CTNNA3: variants seen among roughly 807,000 people sequenced by gnomAD.
The protein encoded by CTNNA3 is catenin alpha 3.
CTNNA3 carries 76 observed loss-of-function variants against 95.7 expected under a neutral mutation model. The ratio of observed to expected loss-of-function variants is 0.79; its 90% CI spans 0.66 to 0.96. The LOEUF is 0.96. Ranked by LOEUF, CTNNA3 falls within the 40% of genes least tolerant of loss-of-function variation. The probability of loss-of-function intolerance (pLI) is 0.00; values close to 1 mark genes in which losing one functional copy is unlikely to be tolerated. For missense variants in CTNNA3, 1,191 were observed against 1,089.8 expected, an observed-to-expected ratio of 1.09 and a Z score of -1.31; for synonymous variants, 431 against 374.4, an observed-to-expected ratio of 1.15 and a Z score of -1.74.
intron 10 of CTNNA3, among the ~76,000 whole-genome samples, chr10:66,541,075 A>G (rs926589119): frequency 1.3e-5 from 2 of 152,100 alleles, no homozygotes; most frequent in African/African-American, 2.4e-5. Flanking sequence ...TGTTAATAAT[A>G]ATCAACTATT....
chr10:67,031,869 G>C (rs1392847670), intron 7 of CTNNA3, among the ~76,000 whole-genome samples: 2 of 152,072 alleles, frequency 1.3e-5, no homozygotes, highest in Non-Finnish European at 2.9e-5. Context: ...CTTTTATTGG[G>C]CCACAAAACA....
chr10:66,659,148 G>A (rs7071893), intron 9 of CTNNA3, among the ~76,000 whole-genome samples: 149,428 of 151,966 alleles, frequency 0.98, 73,484 homozygotes, highest in East Asian at 1. Flanking sequence ...TGAACTTTAC[G>A]TTTTAGTTAG....
At chr10:66,261,486 C>T (rs76311140) in intron 13 of CTNNA3, among the ~76,000 whole-genome samples, 2,894 of 152,086 alleles carry the variant, frequency 0.019, 103 homozygotes, top group African/African-American at 0.066. Flanking sequence ...CATTGTATTA[C>T]AATTGTATTT....
At chr10:66,458,260 C>T in intron 11 of CTNNA3, among the ~76,000 whole-genome samples, 1 of 152,148 alleles carries the variant, frequency 6.6e-6, no homozygotes, top group Non-Finnish European at 1.5e-5. Context: ...ACATTCATAT[C>T]ATGGCATACT....
intron 7 of CTNNA3, among the ~76,000 whole-genome samples, chr10:67,050,286 A>G (rs1197154242): frequency 6.6e-6 from 1 of 152,224 alleles, no homozygotes; most frequent in Non-Finnish European, 1.5e-5. Flanking sequence ...CAAACAATTT[A>G]CATATTCTAG....
At chr10:67,345,361 T>C (rs1031517606) in intron 5 of CTNNA3, among the ~76,000 whole-genome samples, 1 of 152,156 alleles carries the variant, frequency 6.6e-6, no homozygotes, top group Non-Finnish European at 1.5e-5. Context: ...TGGTTCATAG[T>C]GCAGATTAAG....
chr10:66,948,966 T>G (rs1404577764), intron 7 of CTNNA3, among the ~76,000 whole-genome samples: 3 of 152,200 alleles, frequency 2.0e-5, no homozygotes, highest in African/African-American at 7.2e-5. Context: ...TCAGATAAAT[T>G]ATAATTGTGT....
At chr10:66,120,845 A>T (rs187424875) in intron 13 of CTNNA3, among the ~76,000 whole-genome samples, 5 of 152,298 alleles carry the variant, frequency 3.3e-5, no homozygotes, top group African/African-American at 1.2e-4. Context: ...GTCCAAAGAG[A>T]GGAAAAGAAA....
rs975176138 is a variant in CTNNA3 at position 67,584,417 on chromosome 10, C to G, written c.292+22440G>C. ...GAACGGCAAATGTTGCTGCCTGATCCTTCTTCTGGAAGCTTCATCTCAGAG... is the reference window on the plus strand; with the variant it reads ...GAACGGCAAATGTTGCTGCCTGATCGTTCTTCTGGAAGCTTCATCTCAGAG... On this transcript the variant is annotated intron_variant, in intron 3 of 17. Coordinates refer to ENST00000433211, the MANE Select transcript of CTNNA3 (RefSeq NM_013266.4). Among the ~76,000 whole-genome samples, 3 of 152,154 alleles carry G rather than the reference C, an allele frequency of 2.0e-5. No homozygotes were observed. In the East Asian group the frequency reaches 5.8e-4, roughly 29 times the overall value.
intron 17 of CTNNA3, among the ~76,000 whole-genome samples, chr10:65,942,737 A>C (rs2077448805): frequency 6.6e-6 from 1 of 152,188 alleles, no homozygotes; most frequent in Non-Finnish European, 1.5e-5. Flanking sequence ...TCAGTCATTT[A>C]TTTATACTTA....
At chr10:66,278,969 C>CG in intron 13 of CTNNA3, among the ~76,000 whole-genome samples, 1 of 151,084 alleles carries the variant, frequency 6.6e-6, no homozygotes, top group African/African-American at 2.5e-5. Flanking sequence ...GCTGCCCAGA[C>CG]ATAGTCATTG....
At chr10:67,454,102 T>C (rs1467634963) in intron 5 of CTNNA3, among the ~76,000 whole-genome samples, 1 of 152,164 alleles carries the variant, frequency 6.6e-6, no homozygotes, top group Non-Finnish European at 1.5e-5. Context: ...TTCATTTCTT[T>C]ATCAGGCAGA....
chr10:66,633,747 T>C (rs1054941117), intron 9 of CTNNA3, among the ~76,000 whole-genome samples: 1 of 152,168 alleles, frequency 6.6e-6, no homozygotes, highest in Non-Finnish European at 1.5e-5. Context: ...TGATAATTCC[T>C]ACTGTTAATT....
In CTNNA3 at chr10:66,690,447, G is replaced by A. The variant is rs542022225; in HGVS notation, c.1282-68663C>T. 1.6e-3 allele frequency among the ~76,000 whole-genome samples: 240 copies of A among 151,586 alleles called. 1 individual carries two copies. The highest frequency in any genetic ancestry group is 5.5e-3 in the African/African-American group (227 of 41,260). On this transcript the variant is annotated intron_variant, in intron 9 of 17. Coordinates refer to ENST00000433211, the MANE Select transcript of CTNNA3 (RefSeq NM_013266.4). ...CCATTAACTCGTCATTTAGCATTAG[G>A]TATATCTCCTAATGCTATCCCTCCC...
chr10:67,434,247 T>TA (rs1846221323), intron 5 of CTNNA3, among the ~76,000 whole-genome samples: 1 of 152,004 alleles, frequency 6.6e-6, no homozygotes, highest in Admixed American at 6.6e-5. Flanking sequence ...TTGGGTAAGT[T>TA]ACCTCAACTC....
chr10:66,201,876 C>T (rs1437507186), intron 13 of CTNNA3, among the ~76,000 whole-genome samples: 9 of 144,576 alleles, frequency 6.2e-5, no homozygotes, highest in Non-Finnish European at 9.1e-5. Flanking sequence ...GTGATCTCCA[C>T]CTCCTGGGTT....
intron 13 of CTNNA3, among the ~76,000 whole-genome samples, chr10:66,130,389 C>T (rs34869279): frequency 0.076 from 11,263 of 148,934 alleles, 522 homozygotes; most frequent in Admixed American, 0.12. Flanking sequence ...GACTGAGACA[C>T]GAAAAACCAT....
At chr10:67,031,599 G>A (rs1853732737) in intron 7 of CTNNA3, among the ~76,000 whole-genome samples, 2 of 152,182 alleles carry the variant, frequency 1.3e-5, no homozygotes, top group South Asian at 4.1e-4. Context: ...CACTTTTGCA[G>A]AAGTCAGGTT....
At chr10:66,030,582 T>C (rs1434244565) in intron 15 of CTNNA3, among the ~76,000 whole-genome samples, 1 of 152,174 alleles carries the variant, frequency 6.6e-6, no homozygotes, top group Non-Finnish European at 1.5e-5. Flanking sequence ...AACTTAAATG[T>C]AAGACCTAAA....
Sources: gnomAD v4.1 joint callset for allele counts (sites outside exome capture counted in the v4.1 genomes callset) on GRCh38, gnomAD v4.1.1 for gene constraint, MANE v1.5 for transcripts, NCBI Gene and HGNC (gene_info 2026-07-23, HGNC 2026-07-21) for gene names.